The following CLASP1 variants were observed in gnomAD, a reference collection of about 807,000 sequenced individuals.
CLASP1 encodes the protein CLIP-associating protein 1.
Under a neutral mutation model 192.3 loss-of-function variants are expected in CLASP1, and 38 were observed. That is an observed-to-expected ratio of 0.20 (90% CI 0.15 to 0.26). The LOEUF (loss-of-function observed/expected upper bound fraction) is 0.26, where lower values mean the gene tolerates loss of function less well. Among genes scored for constraint, CLASP1 ranks in the 10% least tolerant of loss-of-function variants. The pLI is 1.00. For missense variants in CLASP1, 1,433 were observed against 1,932.5 expected (o/e 0.74, Z 4.85); for synonymous variants, 691 against 712.8 (o/e 0.97, Z 0.49).
At chr2:121,461,017 G>A (rs573721581) in intron 11 of CLASP1, 84 bp downstream of exon 11, 3 of 812,528 alleles carry the variant, frequency 3.7e-6, no homozygotes, top group Admixed American at 5.7e-5. Flanking sequence ...GAATTCATTA[G>A]AGCTGTCCCA....
At chr2:121,444,262 C>T (rs2083909545) in intron 19 of CLASP1, among the ~76,000 whole-genome samples, 1 of 152,048 alleles carries the variant, frequency 6.6e-6, no homozygotes, top group African/African-American at 2.4e-5. Context: ...CTATTTCTTA[C>T]AGCATTACTA....
At chr2:121,526,618 G>C (rs1039907652) in intron 5 of CLASP1, among the ~76,000 whole-genome samples, 1 of 151,738 alleles carries the variant, frequency 6.6e-6, no homozygotes, top group Non-Finnish European at 1.5e-5. Flanking sequence ...GCACTGAAAA[G>C]GCTAACATAT....
chr2:121,363,462 T>C lies in CLASP1; in HGVS notation c.4078-162A>G, dbSNP rs559820171. 9.9e-5 allele frequency among the ~76,000 whole-genome samples: 15 copies of C among 152,284 alleles called. No homozygotes were observed. The East Asian group carries it at 2.5e-3, about 25-fold the overall frequency. On this transcript the variant is annotated intron_variant, in intron 36 of 39. Coordinates refer to ENST00000263710, the Ensembl canonical transcript of CLASP1. ...ACAGTTCACTTGAAATCAGCTTTAC[T>C]TGACACTGGCTCTCTAGACATCAGC... is the stretch of plus-strand genomic sequence containing the variant.
Position 121,375,512 on chromosome 2 carries a change from C to T in CLASP1, c.3642+1987G>A, listed in dbSNP as rs138318964. Among the ~76,000 whole-genome samples, 220 of 151,966 alleles carry T rather than the reference C, an allele frequency of 1.4e-3. 1 individual carries two copies. Among genetic ancestry groups the T allele is most frequent in the African/African-American group, 4.9e-3 (203 of 41,430 alleles). On this transcript the variant is annotated intron_variant, in intron 34 of 39. Coordinates refer to ENST00000263710, the Ensembl canonical transcript of CLASP1. ...CTGAGTAGCTGGGACTACAGGTGTG[C>T]ACCACCAAGCCCAGCTAATTTTTAT...
At chr2:121,398,390 G>A (rs1265250374) in exon 29 of CLASP1, 1 of 1,589,594 alleles carries the variant, frequency 6.3e-7, no homozygotes, top group Non-Finnish European at 8.6e-7. Context: ...TGATCAAATG[G>A]AAAGGAGTCC....
At chr2:121,627,191 T>C (rs1199513362) in intron 1 of CLASP1, among the ~76,000 whole-genome samples, 4 of 152,160 alleles carry the variant, frequency 2.6e-5, no homozygotes, top group African/African-American at 9.7e-5. Flanking sequence ...CAACAAAATA[T>C]GCGTAACCAT....
At chr2:121,407,859 T>G in intron 24 of CLASP1, 144 bp from the exon 26 acceptor site, 2 of 1,000,912 alleles carry the variant, frequency 2.0e-6, no homozygotes, top group Non-Finnish European at 3.2e-6. Context: ...TGCTTATAGA[T>G]TAGGGAAATA....
chr2:121,627,142 G>A (rs1028637601), intron 1 of CLASP1, among the ~76,000 whole-genome samples: 2 of 152,110 alleles, frequency 1.3e-5, no homozygotes, highest in African/African-American at 4.8e-5. Context: ...GGATAACGTA[G>A]GGAAAAGAAG....
intron 1 of CLASP1, among the ~76,000 whole-genome samples, chr2:121,629,722 C>G (rs1559816695): frequency 6.6e-6 from 1 of 151,820 alleles, no homozygotes; most frequent in African/African-American, 2.4e-5. Flanking sequence ...ACCTGGGAGA[C>G]AGAGGTTGCA....
At chr2:121,518,231 C>CAAAAAAAA (rs35409200) in intron 6 of CLASP1, among the ~76,000 whole-genome samples, 1 of 49,580 alleles carries the variant, frequency 2.0e-5, no homozygotes, top group Non-Finnish European at 4.2e-5. Flanking sequence ...ACCCCCGTCT[C>CAAAAAAAA]AAAAAAAAAA....
At chr2:121,526,115 G>A (rs999701134) in intron 5 of CLASP1, 195 bp from the exon 6 acceptor site, 12 of 598,310 alleles carry the variant, frequency 2.0e-5, no homozygotes, top group Non-Finnish European at 3.0e-5. Flanking sequence ...TCAAAACCTA[G>A]GGTGGCTTCT....
intron 32 of CLASP1, among the ~76,000 whole-genome samples, chr2:121,383,330 C>T (rs980628972): frequency 3.9e-5 from 6 of 152,214 alleles, no homozygotes; most frequent in Non-Finnish European, 8.8e-5. Context: ...GAAAATAAGG[C>T]ATTGAGATGC....
chr2:121,569,257 A>C (rs2059776505), intron 2 of CLASP1, among the ~76,000 whole-genome samples: 1 of 152,182 alleles, frequency 6.6e-6, no homozygotes, highest in East Asian at 1.9e-4. Context: ...AAGGTTTCTA[A>C]ACAGTGAGTT....
intron 1 of CLASP1, among the ~76,000 whole-genome samples, chr2:121,634,268 G>A (rs936655138): frequency 6.6e-6 from 1 of 152,184 alleles, no homozygotes; most frequent in African/African-American, 2.4e-5. Context: ...TAACAGCAAA[G>A]TTTGCTGAAT....
At chr2:121,494,462 G>A (rs1421037540) in intron 8 of CLASP1, among the ~76,000 whole-genome samples, 1 of 152,178 alleles carries the variant, frequency 6.6e-6, no homozygotes, top group Non-Finnish European at 1.5e-5. Context: ...AAGAATAGTG[G>A]TGGTGGGGAA....
chr2:121,382,160 G>A, intron 33 of CLASP1, 48 bp downstream of exon 34: 1 of 1,433,462 alleles, frequency 7.0e-7, no homozygotes, highest in South Asian at 1.2e-5. Context: ...CCTTGGAAAT[G>A]CAATAATATT....
intron 24 of CLASP1, among the ~76,000 whole-genome samples, chr2:121,408,834 T>C (rs1176189824): frequency 6.6e-6 from 1 of 152,118 alleles, no homozygotes; most frequent in Non-Finnish European, 1.5e-5. Context: ...AAAACAGATG[T>C]ACATGAAAGG....
At chr2:121,409,125 G>T in intron 24 of CLASP1, 1 of 1,227,594 alleles carries the variant, frequency 8.1e-7, no homozygotes, top group Non-Finnish European at 1.2e-6. Context: ...GATTGTTCTT[G>T]CAACAAAAGT....
In CLASP1 at chr2:121,516,643, A is replaced by G. The variant is rs529424420; in HGVS notation, c.547-881T>C. Among the ~76,000 whole-genome samples, 10 of 152,362 alleles carry G rather than the reference A, an allele frequency of 6.6e-5. 1 individual carries two copies. The highest frequency in any genetic ancestry group is 6.2e-4 in the South Asian group (3 of 4,828). On this transcript the variant is annotated intron_variant, in intron 6 of 39. Coordinates refer to ENST00000263710, the Ensembl canonical transcript of CLASP1. ...ATTACACATCACTGTATCCATGTTA[A>G]ATTTCCAGGGTGAGAAAAATGACAT...
Sources: allele counts gnomAD v4.1 joint callset (sites outside exome capture counted in the v4.1 genomes callset), GRCh38; gene constraint gnomAD v4.1.1; transcripts MANE v1.5; gene names NCBI Gene and HGNC (gene_info 2026-07-23, HGNC 2026-07-21).